SORBS2: variants seen among roughly 807,000 people sequenced by gnomAD.
The protein encoded by SORBS2 is sorbin and SH3 domain-containing protein 2.
SORBS2 carries 46 observed loss-of-function variants against 97.7 expected under a neutral mutation model. The ratio of observed to expected loss-of-function variants is 0.47; its 90% CI spans 0.37 to 0.60. The LOEUF is 0.60. Ranked by LOEUF, SORBS2 falls within the 20% of genes least tolerant of loss-of-function variation. SORBS2 has a pLI of 0.00. For synonymous variants in SORBS2, 476 were observed against 473.4 expected, an observed-to-expected ratio of 1.01 and a Z score of -0.07; for missense variants, 1,316 against 1,282.3, an observed-to-expected ratio of 1.03 and a Z score of -0.40.
chr4:185,869,640 G>A (rs2099229276), intron 1 of SORBS2, among the ~76,000 whole-genome samples: 1 of 152,236 alleles, frequency 6.6e-6, no homozygotes, highest in Admixed American at 6.5e-5. Context: ...AAATGTAGTT[G>A]TCACTTGTGC....
rs72709742 is a variant in SORBS2, at chr4:185,895,969, G to C, written c.-338+60227C>G. ...GAATGATCAGTAAGGACCAGGAAAAGGGAGTGTATGAGAGTGATGGAGTTT... is the reference window on the plus strand; with the variant it reads ...GAATGATCAGTAAGGACCAGGAAAACGGAGTGTATGAGAGTGATGGAGTTT... On this transcript the variant is annotated intron_variant, in intron 1 of 20. Coordinates refer to the SORBS2 transcript ENST00000284776. 5.8e-3 allele frequency among the ~76,000 whole-genome samples: 885 copies of C among 152,310 alleles called. 4 individuals are homozygous for C. The highest frequency in any genetic ancestry group is 8.5e-3 in the Non-Finnish European group (576 of 68,032).
chr4:185,875,761 AAC>A (rs2149757264), intron 1 of SORBS2, among the ~76,000 whole-genome samples: 1 of 152,378 alleles, frequency 6.6e-6, no homozygotes, highest in African/African-American at 2.4e-5. Context: ...GTGCATATGT[AAC>A]TACACATGAC....
At chr4:185,636,272 A>G (rs2096999329) in intron 4 of SORBS2, among the ~76,000 whole-genome samples, 1 of 152,232 alleles carries the variant, frequency 6.6e-6, no homozygotes, top group Non-Finnish European at 1.5e-5. Flanking sequence ...ATGAGAAAAA[A>G]TGAGAGAAAA....
chr4:185,934,193 T>C (rs560097608), intron 1 of SORBS2, among the ~76,000 whole-genome samples: 50 of 152,226 alleles, frequency 3.3e-4, no homozygotes, highest in Non-Finnish European at 5.6e-4. Flanking sequence ...ATTCGAACAC[T>C]GTTTGAATAA....
chr4:185,861,001 C>A (rs573393671), intron 1 of SORBS2, among the ~76,000 whole-genome samples: 1 of 152,206 alleles, frequency 6.6e-6, no homozygotes, highest in African/African-American at 2.4e-5. Context: ...AGAATGCAGA[C>A]TTTCCCCATG....
At chr4:185,904,578 A>C (rs1325210384) in intron 1 of SORBS2, among the ~76,000 whole-genome samples, 1 of 152,240 alleles carries the variant, frequency 6.6e-6, no homozygotes, top group African/African-American at 2.4e-5. Flanking sequence ...GTTTCCCTGA[A>C]ATGCTGATTA....
intron 1 of SORBS2, chr4:185,776,061 C>T (rs1262874309): frequency 6.6e-6 from 1 of 152,158 alleles, no homozygotes; most frequent in Non-Finnish European, 1.5e-5. Context: ...GACTGACAAA[C>T]TTTGAGCCTT....
chr4:185,677,741 G>C (rs2097812332), intron 4 of SORBS2: 1 of 852,550 alleles, frequency 1.2e-6, no homozygotes, highest in Non-Finnish European at 1.7e-6. Context: ...TGCCTTTACA[G>C]AAGTAAAGCA....
intron 1 of SORBS2, among the ~76,000 whole-genome samples, chr4:185,929,255 G>C (rs1430974250): frequency 6.6e-6 from 1 of 152,142 alleles, no homozygotes; most frequent in African/African-American, 2.4e-5. Context: ...TCTGAGACAG[G>C]TGACCCAGGC....
intron 2 of SORBS2, among the ~76,000 whole-genome samples, chr4:185,749,065 G>C (rs555905103): frequency 6.6e-6 from 1 of 152,224 alleles, no homozygotes; most frequent in Non-Finnish European, 1.5e-5. Flanking sequence ...TTTAAAAAAA[G>C]ATTATAGCAA....
chr4:185,587,546 G>T lies in SORBS2; in HGVS notation c.*81C>A. ...ATTGGAAACCGTAAGGCATGACAAC[G>T]GGAGGCCCGCGGGGTGTTTCAGGCG... On this transcript the variant is annotated 3_prime_UTR_variant, in exon 15 of 15. Coordinates refer to ENST00000418609, the Ensembl canonical transcript of SORBS2. 8.8e-6 allele frequency: 11 copies of T among 1,250,434 alleles called. No individual in the cohort carries two copies. In the African/African-American group the frequency reaches 1.0e-4, roughly 12 times the overall value. 77.5% of individuals were successfully genotyped at this position (1,250,434 alleles called of 1,614,324 possible). A position where few individuals can be genotyped will look rare whatever the true frequency, so the allele number is the denominator to read the frequency against.
At chr4:185,793,651 G>A (rs571497243) in intron 1 of SORBS2, among the ~76,000 whole-genome samples, 12 of 151,930 alleles carry the variant, frequency 7.9e-5, no homozygotes, top group Admixed American at 7.9e-4. Context: ...AATACCTCTG[G>A]GAGATCTTGA....
intron 2 of SORBS2, among the ~76,000 whole-genome samples, chr4:185,679,330 C>T (rs1006770544): frequency 2.0e-5 from 3 of 152,054 alleles, no homozygotes; most frequent in East Asian, 1.9e-4. Flanking sequence ...AAATTATTCT[C>T]GAGACTGAGT....
chr4:185,859,865 G>A (rs978187062), intron 1 of SORBS2, among the ~76,000 whole-genome samples: 5 of 152,296 alleles, frequency 3.3e-5, no homozygotes, highest in African/African-American at 9.6e-5. Context: ...AGTTCCAAAA[G>A]CAGGTGCTTA....
At chr4:185,669,771 T>C (rs1017119135) in intron 4 of SORBS2, among the ~76,000 whole-genome samples, 2 of 152,146 alleles carry the variant, frequency 1.3e-5, no homozygotes, top group African/African-American at 4.8e-5. Context: ...AGAGTCTGGG[T>C]CTGGCGTTTT....
chr4:185,860,010 T>C (rs1006140351), intron 1 of SORBS2, among the ~76,000 whole-genome samples: 1 of 152,250 alleles, frequency 6.6e-6, no homozygotes, highest in African/African-American at 2.4e-5. Flanking sequence ...TAACATATTT[T>C]TCCTTTTTAA....
intron 1 of SORBS2, among the ~76,000 whole-genome samples, chr4:185,783,142 G>A (rs1350324248): frequency 1.3e-5 from 2 of 152,138 alleles, no homozygotes; most frequent in Admixed American, 6.5e-5. Flanking sequence ...AACTCATGAC[G>A]GTGAAGGACG....
chr4:185,690,646 G>C (rs1218947983), intron 2 of SORBS2, 35 bp from the exon 4 acceptor site: 2 of 886,666 alleles, frequency 2.3e-6, no homozygotes, highest in East Asian at 2.7e-5. Flanking sequence ...TTGTTCACTA[G>C]CATGTGGAAG....
chr4:185,763,267 G>C (rs1044025495), intron 2 of SORBS2, among the ~76,000 whole-genome samples: 3 of 152,146 alleles, frequency 2.0e-5, no homozygotes, highest in African/African-American at 7.2e-5. Context: ...AAAAGCAGGA[G>C]ATGACATTCC....
Sources: gnomAD v4.1 joint callset for allele counts (sites outside exome capture counted in the v4.1 genomes callset) on GRCh38, gnomAD v4.1.1 for gene constraint, MANE v1.5 for transcripts, NCBI Gene and HGNC (gene_info 2026-07-23, HGNC 2026-07-21) for gene names.